The following UBR3 variants were observed in gnomAD, a reference collection of about 807,000 sequenced individuals.
The protein encoded by UBR3 is E3 ubiquitin-protein ligase UBR3.
Under a neutral mutation model 243.2 loss-of-function variants are expected in UBR3, and 85 were observed. The ratio of observed to expected loss-of-function variants is 0.35; its 90% confidence interval spans 0.29 to 0.42. The LOEUF is 0.42. Ranked by LOEUF, UBR3 falls within the 10% of genes least tolerant of loss-of-function variation. The probability of loss-of-function intolerance (pLI) is 1.00; values close to 1 mark genes in which losing one functional copy is unlikely to be tolerated. For synonymous variants in UBR3, 748 were observed against 799.8 expected (o/e 0.94, Z 1.09); for missense variants, 1,686 against 2,300.8 (o/e 0.73, Z 5.47).
At chr2:169,909,448 G>T (rs561743741) in intron 10 of UBR3, among the ~76,000 whole-genome samples, 1 of 152,234 alleles carries the variant, frequency 6.6e-6, no homozygotes, top group South Asian at 2.1e-4. Flanking sequence ...ATCTGAAAAA[G>T]TTGAGCTTAT....
At chr2:169,987,781 G>A (rs900282873) in intron 25 of UBR3, among the ~76,000 whole-genome samples, 1 of 152,024 alleles carries the variant, frequency 6.6e-6, no homozygotes, top group Admixed American at 6.5e-5. Context: ...TTATTTTCTA[G>A]GGTGTTAACT....
intron 10 of UBR3, among the ~76,000 whole-genome samples, chr2:169,908,069 A>T (rs552124302): frequency 6.6e-6 from 1 of 152,112 alleles, no homozygotes; most frequent in East Asian, 1.9e-4. Context: ...CCATGCCTTT[A>T]TTGGATTGAT....
Position 169,890,583 on chromosome 2 carries a change from A to ATATATATATATATG in UBR3, c.1039-573_1039-572insATATGTATATATAT, listed in dbSNP as rs1383269041. 9.2e-3 allele frequency among the ~76,000 whole-genome samples: 860 copies of ATATATATATATATG among 93,736 alleles called. 33 individuals carry two copies. The highest frequency in any genetic ancestry group is 0.036 in the African/African-American group (798 of 22,424). The allele number at this position is 93,736 out of a possible 152,430, so 61.5% of individuals were successfully genotyped here. ...TATATATGTGTATATATATATATGT[A>ATATATATATATATG]TATATATATGTATATATATGTATAT... On this transcript the variant is annotated intron_variant, in intron 5 of 38. Transcript: ENST00000272793.
intron 1 of UBR3, among the ~76,000 whole-genome samples, chr2:169,839,584 A>G (rs936883933): frequency 1.6e-4 from 25 of 152,232 alleles, no homozygotes; most frequent in Non-Finnish European, 2.9e-4. Context: ...AAGTACATTG[A>G]TTTGATCTTT....
At position 169,882,284 on chromosome 2, in the gene UBR3, T is replaced by C. The variant is rs2083909456; in HGVS notation, c.1038+3710T>C. Reference sequence around the variant, plus strand: ...TATATATATTTGTATATCATATATTTATATATTGTATATTTATGTATATTA... The same window carrying C: ...TATATATATTTGTATATCATATATTCATATATTGTATATTTATGTATATTA... On this transcript the variant is annotated intron_variant, in intron 5 of 38. Coordinates refer to ENST00000272793, the MANE Select transcript of UBR3 (RefSeq NM_172070.4). Among the ~76,000 whole-genome samples the C allele has an allele frequency of 5.8e-5, 8 of 138,382 alleles. No individual in the cohort carries two copies. The South Asian group carries it at 1.8e-3, about 30-fold the overall frequency. The allele number at this position is 138,382 out of a possible 152,430, so 90.8% of individuals were successfully genotyped here.
In UBR3 at chr2:169,949,951, C is replaced by G. The variant is rs200724653; in HGVS notation, c.3431C>G (p.Ser1144Trp). The G allele has an allele frequency of 6.2e-7, 1 of 1,613,618 alleles. No homozygotes were observed. The highest frequency in any genetic ancestry group is 2.2e-5 in the East Asian group (1 of 44,852). ...AVERILLKAA[S>W]QSRMNKRIIE... is the part of the protein sequence containing the mutation. ...GAAAGAATTTTACTAAAAGCTGCAT[C>G]GCAAAGTAGAATGAACAAACGCATC... The change falls in exon 23 of 39, where the codon TCG becomes TGG. Residue 1144 changes from serine to tryptophan, a missense_variant. Ser to Trp is a radical substitution (Grantham distance 177). Coordinates refer to ENST00000272793, the MANE Select transcript of UBR3 (RefSeq NM_172070.4).
chr2:170,055,331 A>G (rs1403300478), intron 32 of UBR3, 129 bp from the exon 33 acceptor site: 5 of 1,097,684 alleles, frequency 4.6e-6, no homozygotes, highest in Non-Finnish European at 6.4e-6. Flanking sequence ...TCAAAAACAA[A>G]CAAAAAAACT....
At chr2:170,081,199 C>G (rs1399244292) in intron 38 of UBR3, among the ~76,000 whole-genome samples, 2 of 150,820 alleles carry the variant, frequency 1.3e-5, no homozygotes, top group Non-Finnish European at 1.5e-5. Flanking sequence ...AAAAAAGAAT[C>G]TAGTAAAAAA....
In UBR3 at chr2:169,827,622, C is replaced by A; in HGVS notation, c.115C>A (p.Leu39Ile). The A allele has an allele frequency of 7.9e-7, 1 of 1,268,338 alleles. No homozygotes were observed. Among genetic ancestry groups the A allele is most frequent in the Non-Finnish European group, 9.9e-7 (1 of 1,006,818 alleles). The allele number at this position is 1,268,338 out of a possible 1,614,324, so 78.6% of individuals were successfully genotyped here. ...AATAAHLKAALSRPDNRAGAE... is the reference protein window; with the variant it reads ...AATAAHLKAAISRPDNRAGAE... ...CACCGCCGCGCACCTCAAGGCGGCC[C>A]TCAGCCGGCCGGACAACCGCGCAGG... Residue 39 changes from leucine (L) to isoleucine (I), a missense_variant, in exon 1 of 39, where the codon CTC (leucine) becomes ATC (isoleucine). By Grantham distance (5) the Leu-to-Ile change is conservative. Coordinates refer to ENST00000272793, the MANE Select transcript of UBR3 (RefSeq NM_172070.4).
chr2:169,871,956 AT>A, intron 1 of UBR3, among the ~76,000 whole-genome samples: 1 of 152,184 alleles, frequency 6.6e-6, no homozygotes, highest in South Asian at 2.1e-4. Flanking sequence ...AAAGTAATAA[AT>A]TTCAGTTAAA....
chr2:169,964,885 CAG>C (rs1343656741), intron 24 of UBR3: 1 of 456,788 alleles, frequency 2.2e-6, no homozygotes, highest in Non-Finnish European at 4.4e-6. Flanking sequence ...TGCTAGCAAA[CAG>C]AGGCAGTTCA....
chr2:170,059,145 T>C (rs1184596138), intron 33 of UBR3, among the ~76,000 whole-genome samples: 1 of 152,184 alleles, frequency 6.6e-6, no homozygotes, highest in Non-Finnish European at 1.5e-5. Context: ...AAAATATTTT[T>C]CTTAATACTT....
intron 5 of UBR3, among the ~76,000 whole-genome samples, chr2:169,890,567 G>GTATATATATA (rs1314543784): frequency 3.4e-5 from 2 of 59,554 alleles, no homozygotes; most frequent in Non-Finnish European, 6.3e-5. Context: ...ATATATATGT[G>GTATATATATA]TATATATATA....
intron 31 of UBR3, among the ~76,000 whole-genome samples, chr2:170,037,961 A>C (rs1160071177): frequency 6.6e-6 from 1 of 152,216 alleles, no homozygotes; most frequent in Non-Finnish European, 1.5e-5. Flanking sequence ...TAATAATAGC[A>C]TAAAGGAATC....
chr2:169,882,111 T>C (rs1275366874), intron 5 of UBR3, among the ~76,000 whole-genome samples: 1 of 127,724 alleles, frequency 7.8e-6, no homozygotes, highest in Non-Finnish European at 1.5e-5. Flanking sequence ...ATATTTATAT[T>C]ATATATGTAT....
intron 8 of UBR3, among the ~76,000 whole-genome samples, chr2:169,903,462 T>A (rs898581463): frequency 3.9e-5 from 6 of 152,292 alleles, no homozygotes; most frequent in African/African-American, 1.4e-4. Context: ...GTATAAATAA[T>A]TTGTAAAAAG....
At position 169,900,746 on chromosome 2, in the gene UBR3, C is replaced by T. The variant is rs1276640761; in HGVS notation, c.1465+4011C>T. Among the ~76,000 whole-genome samples the T allele has an allele frequency of 9.1e-5, 13 of 143,068 alleles. No individual in the cohort carries two copies. In the South Asian group the frequency reaches 1.1e-3, roughly 12 times the overall value. 93.9% of individuals were successfully genotyped at this position (143,068 alleles called of 152,430 possible). A position where few individuals can be genotyped will look rare whatever the true frequency, so the allele number is the denominator to read the frequency against. On this transcript the variant is annotated intron_variant, in intron 8 of 38. Coordinates refer to ENST00000272793, the MANE Select transcript of UBR3 (RefSeq NM_172070.4). ...CAAGATGAGTCTTAAACCTGCCTCC[C>T]TTTTTTTTTTTTAATAGCTAGCTTT...
intron 30 of UBR3, chr2:170,016,920 G>C (rs751830023): frequency 1.4e-6 from 1 of 735,238 alleles, no homozygotes; most frequent in South Asian, 3.2e-5. Context: ...TATCCTAAAT[G>C]TAAGTTAATA....
At chr2:169,937,369 G>A (rs1373845277) in intron 19 of UBR3, among the ~76,000 whole-genome samples, 1 of 152,130 alleles carries the variant, frequency 6.6e-6, no homozygotes, top group Non-Finnish European at 1.5e-5. Flanking sequence ...ATTTTTCCTT[G>A]TAAATTTGTT....
Sources: gnomAD v4.1 joint callset for allele counts (sites outside exome capture counted in the v4.1 genomes callset) on GRCh38, gnomAD v4.1.1 for gene constraint, MANE v1.5 for transcripts, NCBI Gene and HGNC (gene_info 2026-07-23, HGNC 2026-07-21) for gene names.